Variants in PRKCQ observed in about 807,000 individuals in gnomAD.
PRKCQ encodes the protein protein kinase C theta, also known as protein kinase C theta type.
A neutral mutation model predicts 91.2 loss-of-function variants in PRKCQ; 41 were observed. The observed-to-expected ratio is 0.45, with a 90% CI of 0.35 to 0.58. The LOEUF (loss-of-function observed/expected upper bound fraction) is 0.58, where lower values mean the gene tolerates loss of function less well. Among genes scored for constraint, PRKCQ ranks in the 20% least tolerant of loss-of-function variants. The pLI is 0.00. For missense variants in PRKCQ, 673 were observed against 896.5 expected (o/e 0.75, Z 3.18); for synonymous variants, 307 against 316.9 (o/e 0.97, Z 0.33).
At chr10:6,509,494 C>T (rs919043675) in intron 3 of PRKCQ, among the ~76,000 whole-genome samples, 1 of 152,214 alleles carries the variant, frequency 6.6e-6, no homozygotes, top group Non-Finnish European at 1.5e-5. Flanking sequence ...CTGCAACCTC[C>T]GCTTCCCAGG....
intron 1 of PRKCQ, among the ~76,000 whole-genome samples, chr10:6,548,866 AAAACTT>A (rs1317128740): frequency 6.6e-6 from 1 of 152,164 alleles, no homozygotes; most frequent in African/African-American, 2.4e-5. Flanking sequence ...CATGTACCCT[AAAACTT>A]AAAGTATAAT....
the PRKCQ span, among the ~76,000 whole-genome samples, chr10:6,413,827 A>G: frequency 2.9e-5 from 4 of 138,846 alleles, no homozygotes; most frequent in East Asian, 2.0e-4. Context: ...GTGCGCGTGC[A>G]CACACACACA....
At chr10:6,512,065 T>C (rs765594947) in intron 2 of PRKCQ, 4 of 152,262 alleles carry the variant, frequency 2.6e-5, no homozygotes, top group Non-Finnish European at 4.4e-5. Context: ...AGCTTAAACA[T>C]AGTCAATACA....
the PRKCQ span, among the ~76,000 whole-genome samples, chr10:6,421,795 G>A: frequency 1.3e-5 from 2 of 152,238 alleles, no homozygotes; most frequent in African/African-American, 4.8e-5. The surrounding 1 kb of genome is among the most constrained non-coding windows in gnomAD (Gnocchi z 4.1). Context: ...TTCCAGTAGA[G>A]AAAGGTGGTG....
At chr10:6,543,757 G>T (rs1007335750) in intron 1 of PRKCQ, among the ~76,000 whole-genome samples, 1 of 152,186 alleles carries the variant, frequency 6.6e-6, no homozygotes, top group East Asian at 1.9e-4. Flanking sequence ...CCCCAGCCTG[G>T]GGACAAGGAC....
chr10:6,509,915 C>T (rs1838387221), intron 3 of PRKCQ, among the ~76,000 whole-genome samples: 1 of 152,168 alleles, frequency 6.6e-6, no homozygotes, highest in South Asian at 2.1e-4. Context: ...AAATACAAAA[C>T]TGACACAAAA....
chr10:6,526,898 G>A (rs540241112), intron 1 of PRKCQ, among the ~76,000 whole-genome samples: 11 of 152,198 alleles, frequency 7.2e-5, no homozygotes, highest in African/African-American at 9.6e-5. Flanking sequence ...TACTGGGGGC[G>A]ACTTCACTCT....
downstream of PRKCQ, among the ~76,000 whole-genome samples, chr10:6,423,471 G>A (rs1024559983): frequency 1.3e-4 from 20 of 152,192 alleles, no homozygotes; most frequent in South Asian, 4.1e-4. Context: ...TTCATTCCCC[G>A]GCCTGCCGTC....
chr10:6,553,506 A>T (rs7067763), intron 1 of PRKCQ, among the ~76,000 whole-genome samples: 1,116 of 72,960 alleles, frequency 0.015, 30 homozygotes, highest in Middle Eastern at 0.036. Context: ...AAAAAAAAAA[A>T]AAAAAAAAAA....
intron 16 of PRKCQ, among the ~76,000 whole-genome samples, chr10:6,438,060 T>C (rs1188964913): frequency 6.6e-6 from 1 of 152,224 alleles, no homozygotes; most frequent in Non-Finnish European, 1.5e-5. Context: ...CTTTAATTGA[T>C]TGTTGAGGGA....
chr10:6,560,863 C>A (rs796754491), intron 1 of PRKCQ, among the ~76,000 whole-genome samples: 182 of 151,984 alleles, frequency 1.2e-3, no homozygotes, highest in African/African-American at 3.9e-3. Flanking sequence ...CACAGTGAAA[C>A]CCCATCTTCA....
At chr10:6,412,676 C>CAGCATATGATA in the PRKCQ span, among the ~76,000 whole-genome samples, 1 of 152,230 alleles carries the variant, frequency 6.6e-6, no homozygotes, top group Non-Finnish European at 1.5e-5. Context: ...AGCATTGAGT[C>CAGCATATGATA]ACTTGGTTAT....
intron 7 of PRKCQ, among the ~76,000 whole-genome samples, chr10:6,496,579 C>T (rs1456468512): frequency 6.6e-6 from 1 of 152,010 alleles, no homozygotes; most frequent in Non-Finnish European, 1.5e-5. Context: ...TTTCTGGCCA[C>T]TTTCTATGCC....
At chr10:6,412,691 T>C in the PRKCQ span, among the ~76,000 whole-genome samples, 3 of 152,204 alleles carry the variant, frequency 2.0e-5, no homozygotes, top group Admixed American at 2.0e-4. Context: ...GGTTATCCAT[T>C]TGGAAAATCA....
intron 1 of PRKCQ, among the ~76,000 whole-genome samples, chr10:6,544,820 C>T (rs1839893582): frequency 1.3e-5 from 2 of 152,200 alleles, no homozygotes; most frequent in Admixed American, 1.3e-4. Flanking sequence ...CAGTGTTTCA[C>T]CATATTGGCC....
intron 10 of PRKCQ, 53 bp from the exon 11 acceptor site, chr10:6,483,653 C>G: frequency 6.3e-7 from 1 of 1,588,758 alleles, no homozygotes; most frequent in East Asian, 2.2e-5. Context: ...GGAGGTCATT[C>G]TAGTTACTGA....
rs1404486723 is a variant in PRKCQ, at chr10:6,511,191, T to A, written c.122A>T (p.Asn41Ile). The stretch of plus-strand genomic sequence containing the variant: ...CTTTTTCTGGATATACATCTGCCCG[T>A]TCTCTAGGAACAGAAACGTAAGGTC... ...VLVKEYVESE[N>I]GQMYIQKKPT... The change falls in exon 3 of 18, where the codon AAC (asparagine) becomes ATC (isoleucine). Residue 41 changes from asparagine (N) to isoleucine (I), a missense_variant. Transcript: ENST00000263125. 6.2e-7 allele frequency: 1 copy of A among 1,613,880 alleles called. No homozygotes were observed. The highest frequency in any genetic ancestry group is 8.5e-7 in the Non-Finnish European group (1 of 1,179,884).
At chr10:6,425,863 A>C (rs2132211766), downstream of PRKCQ, among the ~76,000 whole-genome samples, 1 of 152,264 alleles carries the variant, frequency 6.6e-6, no homozygotes, top group Non-Finnish European at 1.5e-5. Flanking sequence ...AGTGGAGGGG[A>C]TAAAAGTTGC....
At chr10:6,562,968 T>G (rs371176028) in intron 1 of PRKCQ, among the ~76,000 whole-genome samples, 1 of 152,054 alleles carries the variant, frequency 6.6e-6, no homozygotes, top group Non-Finnish European at 1.5e-5. Context: ...ACTAAAATAT[T>G]TTCTGTAGTG....
Sources: allele counts gnomAD v4.1 joint callset (sites outside exome capture counted in the v4.1 genomes callset), GRCh38; gene constraint gnomAD v4.1.1; non-coding constraint Gnocchi (gnomAD v3.1); transcripts MANE v1.5; gene names NCBI Gene and HGNC (gene_info 2026-07-23, HGNC 2026-07-21).